The following PTK2 variants were observed in gnomAD, a reference collection of about 807,000 sequenced individuals.
PTK2 encodes focal adhesion kinase 1.
A neutral mutation model predicts 150.1 loss-of-function variants in PTK2; 45 were observed. The observed-to-expected ratio is 0.30, with a 90% CI of 0.24 to 0.38. The LOEUF (loss-of-function observed/expected upper bound fraction) is 0.38. PTK2 is among the 10% of genes least tolerant of loss of function. The pLI, the probability that PTK2 is intolerant of heterozygous loss-of-function variation, is 1.00. For missense variants in PTK2, 919 were observed against 1,307.3 expected (o/e 0.70, Z 4.58); for synonymous variants, 432 against 449.2 (o/e 0.96, Z 0.48).
At chr8:140,912,080 C>A (rs1030036843) in intron 2 of PTK2, among the ~76,000 whole-genome samples, 1 of 151,616 alleles carries the variant, frequency 6.6e-6, no homozygotes, top group South Asian at 2.1e-4. Context: ...AAAGAAATAA[C>A]CAAAATTTTA....
chr8:140,728,943 C>T (rs974064657), intron 22 of PTK2, among the ~76,000 whole-genome samples: 2 of 152,112 alleles, frequency 1.3e-5, no homozygotes, highest in Admixed American at 6.5e-5. Flanking sequence ...TTGATACACG[C>T]ACACATGTCC....
At chr8:140,707,596 G>T (rs2100034555) in intron 23 of PTK2, among the ~76,000 whole-genome samples, 2 of 152,060 alleles carry the variant, frequency 1.3e-5, no homozygotes, top group Admixed American at 1.3e-4. Context: ...GTAGAGATGG[G>T]GTTTTGCCAT....
chr8:140,746,799 A>G, exon 18 of PTK2: 1 of 1,613,312 alleles, frequency 6.2e-7, no homozygotes, highest in South Asian at 1.1e-5. Flanking sequence ...TCCAGACAGG[A>G]TTCTCTGTGA....
intron 5 of PTK2, among the ~76,000 whole-genome samples, chr8:140,847,662 TGTGG>T (rs2100126416): frequency 6.6e-6 from 1 of 152,208 alleles, no homozygotes; most frequent in Non-Finnish European, 1.5e-5. Context: ...CACAAAAATT[TGTGG>T]AAATTTGTCT....
At chr8:140,874,352 G>T (rs1286463241) in intron 4 of PTK2, among the ~76,000 whole-genome samples, 1 of 152,140 alleles carries the variant, frequency 6.6e-6, no homozygotes, top group African/African-American at 2.4e-5. Flanking sequence ...AAACGTCATG[G>T]AAATCAAAAT....
At chr8:140,670,512 CACACACACACACACACACACA>C (rs2095112914) in intron 29 of PTK2, among the ~76,000 whole-genome samples, 1 of 129,988 alleles carries the variant, frequency 7.7e-6, no homozygotes, top group Non-Finnish European at 1.7e-5. Flanking sequence ...CACACACACA[CACACACACACACACACACACA>C]CACACATTGG....
At chr8:140,732,370 C>T (rs1338435103) in intron 22 of PTK2, among the ~76,000 whole-genome samples, 1 of 152,204 alleles carries the variant, frequency 6.6e-6, no homozygotes, top group Non-Finnish European at 1.5e-5. Flanking sequence ...AATTATACTA[C>T]AGGTACCTAT....
intron 10 of PTK2, among the ~76,000 whole-genome samples, chr8:140,810,156 G>A (rs1199631631): frequency 6.6e-6 from 1 of 152,172 alleles, no homozygotes; most frequent in East Asian, 1.9e-4. Flanking sequence ...CCGAGCAGGG[G>A]GCCCCTCAAC....
At chr8:140,815,634 T>C (rs2100104265) in intron 10 of PTK2, among the ~76,000 whole-genome samples, 1 of 152,136 alleles carries the variant, frequency 6.6e-6, no homozygotes, top group Non-Finnish European at 1.5e-5. Flanking sequence ...TTTAACACCA[T>C]GTCTAATAAA....
At chr8:140,710,629 C>A (rs2100036282) in intron 23 of PTK2, among the ~76,000 whole-genome samples, 1 of 150,702 alleles carries the variant, frequency 6.6e-6, no homozygotes, top group South Asian at 2.1e-4. Context: ...CGAGATCGCA[C>A]CATGGCACTG....
chr8:140,876,731 T>A (rs2154606978), intron 4 of PTK2, among the ~76,000 whole-genome samples: 1 of 152,310 alleles, frequency 6.6e-6, no homozygotes, highest in East Asian at 1.9e-4. Context: ...TCTTTTCATC[T>A]CTCCGTGGTA....
At chr8:140,686,912 G>T in intron 26 of PTK2, 1 of 542,744 alleles carries the variant, frequency 1.8e-6, no homozygotes, top group South Asian at 2.1e-5. Flanking sequence ...TTACAGACTG[G>T]TACCTGCACT....
At chr8:140,714,791 T>G (rs2100038689) in intron 23 of PTK2, among the ~76,000 whole-genome samples, 1 of 38,896 alleles carries the variant, frequency 2.6e-5, no homozygotes, top group African/African-American at 5.8e-5. Context: ...AGCAAGGCTC[T>G]GTCTCAAAAA....
intron 22 of PTK2, chr8:140,734,567 C>T: frequency 5.5e-6 from 2 of 360,946 alleles, no homozygotes; most frequent in Admixed American, 3.5e-5. Context: ...ACATGCTTCT[C>T]TGAGGGATTC....
At chr8:140,795,353 C>T (rs2100090932) in intron 12 of PTK2, among the ~76,000 whole-genome samples, 1 of 152,176 alleles carries the variant, frequency 6.6e-6, no homozygotes, top group African/African-American at 2.4e-5. Flanking sequence ...GGGATCACCC[C>T]CTTAGGCATT....
At chr8:140,856,042 C>G (rs1375717540) in intron 5 of PTK2, among the ~76,000 whole-genome samples, 2 of 152,050 alleles carry the variant, frequency 1.3e-5, no homozygotes. Context: ...AAAAAGGAGA[C>G]CTACTAACAT....
intron 5 of PTK2, among the ~76,000 whole-genome samples, chr8:140,857,352 C>G (rs550762891): frequency 8.9e-4 from 135 of 152,312 alleles, no homozygotes; most frequent in African/African-American, 3.2e-3. Context: ...CCCTGCCCTC[C>G]AGTCACACTG....
At chr8:140,717,395 C>G (rs543982897) in intron 23 of PTK2, among the ~76,000 whole-genome samples, 1 of 152,266 alleles carries the variant, frequency 6.6e-6, no homozygotes, top group Admixed American at 6.5e-5. Context: ...AGAGCCCCTA[C>G]TTGAAATACA....
intron 22 of PTK2, among the ~76,000 whole-genome samples, chr8:140,720,083 C>T (rs542036934): frequency 6.6e-6 from 1 of 152,148 alleles, no homozygotes; most frequent in South Asian, 2.1e-4. Context: ...AGAGTCACAG[C>T]ATCTCAGCAG....
Sources: allele counts gnomAD v4.1 joint callset (sites outside exome capture counted in the v4.1 genomes callset), GRCh38; gene constraint gnomAD v4.1.1; transcripts MANE v1.5; gene names NCBI Gene and HGNC (gene_info 2026-07-23, HGNC 2026-07-21).